Variants in SYT1 observed in about 807,000 individuals in gnomAD.
SYT1 encodes the protein synaptotagmin 1.
Under a neutral mutation model 44.8 loss-of-function variants are expected in SYT1, and 8 were observed. The observed-to-expected ratio is 0.18, with a 90% CI of 0.10 to 0.32. The LOEUF is 0.32. SYT1 is among the 10% of genes least tolerant of loss of function. SYT1 has a pLI of 1.00. For synonymous variants in SYT1, 154 were observed against 188.8 expected, an observed-to-expected ratio of 0.82 and a Z score of 1.51; for missense variants, 286 against 509.3, an observed-to-expected ratio of 0.56 and a Z score of 4.22.
At chr12:78,941,500 T>G (rs943785986) in intron 1 of SYT1, among the ~76,000 whole-genome samples, 1 of 152,066 alleles carries the variant, frequency 6.6e-6, no homozygotes, top group South Asian at 2.1e-4. Flanking sequence ...TTAGGAAAAT[T>G]TTATATTTTA....
At chr12:79,318,084 A>G (rs73352923) in intron 8 of SYT1, among the ~76,000 whole-genome samples, 1,609 of 152,348 alleles carry the variant, frequency 0.011, 30 homozygotes, top group African/African-American at 0.036. Context: ...AATGGGAACT[A>G]TGGCACTGAC....
At chr12:79,174,256 A>G (rs1871721025) in intron 3 of SYT1, among the ~76,000 whole-genome samples, 1 of 152,078 alleles carries the variant, frequency 6.6e-6, no homozygotes, top group Non-Finnish European at 1.5e-5. Context: ...GTGGAGAAAG[A>G]TGGATACCCA....
chr12:78,945,125 G>A (rs189025362), intron 1 of SYT1, among the ~76,000 whole-genome samples: 36 of 152,258 alleles, frequency 2.4e-4, no homozygotes, highest in Non-Finnish European at 4.1e-4. Flanking sequence ...AGAATGTGTA[G>A]CCACAGGTGT....
chr12:79,012,673 T>A (rs530392516), intron 2 of SYT1, among the ~76,000 whole-genome samples: 185 of 152,280 alleles, frequency 1.2e-3, no homozygotes, highest in Non-Finnish European at 2.2e-3. Flanking sequence ...TAATATTTCC[T>A]GGTTCCTTGT....
chr12:78,940,409 G>A (rs921994155), intron 1 of SYT1, among the ~76,000 whole-genome samples: 1 of 152,128 alleles, frequency 6.6e-6, no homozygotes, highest in African/African-American at 2.4e-5. Context: ...TAATTTTAAA[G>A]AGACAGTGAC....
At chr12:79,069,334 A>G (rs1876103035) in intron 3 of SYT1, among the ~76,000 whole-genome samples, 1 of 152,130 alleles carries the variant, frequency 6.6e-6, no homozygotes, top group Non-Finnish European at 1.5e-5. Context: ...TTTCTTCTAT[A>G]ATTTTAGGCT....
intron 8 of SYT1, among the ~76,000 whole-genome samples, chr12:79,336,142 T>C (rs1026752255): frequency 1.3e-5 from 2 of 152,178 alleles, no homozygotes; most frequent in South Asian, 2.1e-4. Flanking sequence ...TCATCTGAGG[T>C]TCACATCAAA....
chr12:79,088,646 A>G (rs1877550514), intron 3 of SYT1, among the ~76,000 whole-genome samples: 1 of 152,062 alleles, frequency 6.6e-6, no homozygotes, highest in South Asian at 2.1e-4. Context: ...GTTTTAAAAG[A>G]ATTACTTATG....
chr12:79,340,633 T>C lies in SYT1; in HGVS notation c.811-12869T>C, dbSNP rs1349059154. ...TGCAAACAGGGACAATTTGACTTCC[T>C]GTTTTCCTAATTGAATACCCTTTAT... On this transcript the variant is annotated intron_variant, in intron 8 of 10. Transcript: ENST00000261205. Among the ~76,000 whole-genome samples the C allele has an allele frequency of 1.3e-5, 2 of 152,238 alleles. 1 individual carries two copies. Among genetic ancestry groups the C allele is most frequent in the South Asian group, 4.1e-4 (2 of 4,834 alleles).
At chr12:79,293,396 AAAATAAAATAAAATT>A (rs1407750848) in intron 6 of SYT1, among the ~76,000 whole-genome samples, 1,942 of 57,832 alleles carry the variant, frequency 0.034, 154 homozygotes, top group East Asian at 0.12. Context: ...AAAATAAAAT[AAAATAAAATAAAATT>A]AAAAAATCTG....
intron 3 of SYT1, among the ~76,000 whole-genome samples, chr12:79,170,678 T>G (rs1346695455): frequency 1.3e-5 from 2 of 152,150 alleles, no homozygotes; most frequent in African/African-American, 4.8e-5. Flanking sequence ...TAGTTTCTTT[T>G]GCTGTGCAGA....
At chr12:79,362,564 A>G (rs536180011) in intron 9 of SYT1, among the ~76,000 whole-genome samples, 1 of 152,280 alleles carries the variant, frequency 6.6e-6, no homozygotes, top group Non-Finnish European at 1.5e-5. Flanking sequence ...CAGAAAAGAC[A>G]GTGGTATTAG....
chr12:79,048,164 TCAAA>T (rs1332494100), intron 3 of SYT1, among the ~76,000 whole-genome samples: 8 of 151,872 alleles, frequency 5.3e-5, no homozygotes, highest in African/African-American at 1.9e-4. Context: ...TTCAAAAGTT[TCAAA>T]CAAATATTAG....
At chr12:79,311,188 C>G (rs982049512) in intron 8 of SYT1, among the ~76,000 whole-genome samples, 6 of 152,094 alleles carry the variant, frequency 3.9e-5, no homozygotes, top group African/African-American at 1.4e-4. Flanking sequence ...AGATACGTCC[C>G]CATCAAAAAG....
chr12:79,414,921 T>C (rs1226420485), intron 9 of SYT1, among the ~76,000 whole-genome samples: 1 of 152,110 alleles, frequency 6.6e-6, no homozygotes. Context: ...AAAAGGAATA[T>C]AGTGATGTGC....
At chr12:78,943,491 G>A (rs1363717938) in intron 1 of SYT1, among the ~76,000 whole-genome samples, 1 of 152,132 alleles carries the variant, frequency 6.6e-6, no homozygotes, top group East Asian at 1.9e-4. Flanking sequence ...CTAGCTTGAG[G>A]ACAATACCAA....
At chr12:79,243,170 A>G (rs1323680842) in intron 4 of SYT1, among the ~76,000 whole-genome samples, 2 of 152,128 alleles carry the variant, frequency 1.3e-5, no homozygotes, top group Non-Finnish European at 2.9e-5. Context: ...CTCCCACAAC[A>G]TGTGGGGATT....
chr12:79,033,617 G>T (rs1223764763), intron 2 of SYT1, among the ~76,000 whole-genome samples: 4 of 151,234 alleles, frequency 2.6e-5, no homozygotes, highest in African/African-American at 7.3e-5. Context: ...ATTGAAGGGG[G>T]ATCTAGAGTC....
chr12:79,276,011 A>C (rs1274532264), intron 4 of SYT1, among the ~76,000 whole-genome samples: 4 of 152,200 alleles, frequency 2.6e-5, no homozygotes, highest in Non-Finnish European at 5.9e-5. Flanking sequence ...ACCCAGAGCC[A>C]AAGCTAGTCA....
Sources: allele counts gnomAD v4.1 joint callset (sites outside exome capture counted in the v4.1 genomes callset), GRCh38; gene constraint gnomAD v4.1.1; transcripts MANE v1.5; gene names NCBI Gene and HGNC (gene_info 2026-07-23, HGNC 2026-07-21).